NKAIN3: variants seen among roughly 807,000 people sequenced by gnomAD.
The protein encoded by NKAIN3 is sodium/potassium-transporting ATPase subunit beta-1-interacting protein 3.
In NKAIN3, 25 loss-of-function variants were observed where a neutral mutation model predicts 30.2. The observed-to-expected ratio is 0.83, with a 90% CI of 0.60 to 1.16. NKAIN3 has a LOEUF of 1.16. Among genes scored for constraint, NKAIN3 ranks in the 50% most tolerant of loss-of-function variants. The pLI is 0.00. For missense variants in NKAIN3, 225 were observed against 254.1 expected (o/e 0.89, Z 0.78); for synonymous variants, 91 against 89.6 (o/e 1.02, Z -0.09).
chr8:62,598,386 A>T (rs567955782), intron 3 of NKAIN3, among the ~76,000 whole-genome samples: 2 of 151,952 alleles, frequency 1.3e-5, no homozygotes, highest in Non-Finnish European at 2.9e-5. Flanking sequence ...CTCCATGTTG[A>T]TTATTACTCA....
intron 4 of NKAIN3, among the ~76,000 whole-genome samples, chr8:62,908,069 A>G (rs564407853): frequency 6.6e-6 from 1 of 152,318 alleles, no homozygotes; most frequent in South Asian, 2.1e-4. Flanking sequence ...ACAGCTGTGT[A>G]GCTGCTCAAG....
intron 1 of NKAIN3, among the ~76,000 whole-genome samples, chr8:62,497,024 G>T (rs1435373114): frequency 1.3e-5 from 2 of 151,964 alleles, no homozygotes; most frequent in African/African-American, 4.8e-5. Flanking sequence ...AATTAAGAAG[G>T]CACTGAAGTT....
chr8:62,328,940 A>G (rs1219638807), intron 1 of NKAIN3, among the ~76,000 whole-genome samples: 3 of 152,046 alleles, frequency 2.0e-5, no homozygotes, highest in African/African-American at 4.8e-5. Flanking sequence ...AATTGATGGT[A>G]TGTTACTTCC....
At chr8:62,380,394 C>A (rs1817237249) in intron 1 of NKAIN3, among the ~76,000 whole-genome samples, 1 of 152,150 alleles carries the variant, frequency 6.6e-6, no homozygotes, top group Admixed American at 6.6e-5. Flanking sequence ...GCTTTTTCAT[C>A]TCTTTCTCCT....
At chr8:62,564,636 G>T (rs1433256731) in intron 1 of NKAIN3, among the ~76,000 whole-genome samples, 1 of 152,080 alleles carries the variant, frequency 6.6e-6, no homozygotes, top group Non-Finnish European at 1.5e-5. Flanking sequence ...AATCAATTCA[G>T]TAGGTCTAGG....
chr8:62,697,055 A>T (rs1034213065), intron 3 of NKAIN3, among the ~76,000 whole-genome samples: 4 of 152,302 alleles, frequency 2.6e-5, no homozygotes, highest in Middle Eastern at 3.4e-3. Flanking sequence ...GAATCTTTTC[A>T]TGCTTGCCTC....
intron 1 of NKAIN3, among the ~76,000 whole-genome samples, chr8:62,445,431 T>G (rs1189174983): frequency 6.6e-6 from 1 of 152,130 alleles, no homozygotes; most frequent in Non-Finnish European, 1.5e-5. Context: ...ATTTTTCTTA[T>G]AAGGAAATTG....
rs1824141271 is a variant in NKAIN3, at chr8:62,983,772, C to G, written c.*18365C>G. On this transcript the variant is annotated 3_prime_UTR_variant, in exon 7 of 7. Transcript: ENST00000623646. ...CTGCGGTCACCCATTTTATACAAAC[C>G]AAAGCACTTCTGACAGACCTCTGAA... 1 of 152,130 alleles carries G rather than the reference C, an allele frequency of 6.6e-6. No individual in the cohort carries two copies. Among genetic ancestry groups the G allele is most frequent in the Non-Finnish European group, 1.5e-5 (1 of 68,040 alleles). The allele number at this position is 152,130 out of a possible 1,614,324, so 9.4% of individuals were successfully genotyped here. A position where few individuals can be genotyped will look rare whatever the true frequency, so the allele number is the denominator to read the frequency against.
At chr8:62,721,452 G>T (rs1163629342) in intron 3 of NKAIN3, among the ~76,000 whole-genome samples, 6 of 152,164 alleles carry the variant, frequency 3.9e-5, no homozygotes, top group Non-Finnish European at 7.3e-5. Context: ...TCAGGCAACA[G>T]CTTCCTAGGC....
intron 1 of NKAIN3, among the ~76,000 whole-genome samples, chr8:62,412,219 C>T (rs1804259826): frequency 6.6e-6 from 1 of 151,918 alleles, no homozygotes; most frequent in Non-Finnish European, 1.5e-5. Context: ...CAAAAAGAGA[C>T]ACATGGACTA....
intron 4 of NKAIN3, chr8:62,863,328 T>TG: frequency 1.9e-6 from 3 of 1,549,702 alleles, no homozygotes; most frequent in Non-Finnish European, 1.8e-6. Flanking sequence ...GAGGAATACC[T>TG]GCTTTCTGCC....
intron 3 of NKAIN3, among the ~76,000 whole-genome samples, chr8:62,712,501 G>A (rs534203586): frequency 6.6e-6 from 1 of 152,188 alleles, no homozygotes. Flanking sequence ...AGTCATGCAG[G>A]TTATCAGGGA....
In NKAIN3 at chr8:62,716,282, G is replaced by A. The variant is rs112828717; in HGVS notation, c.274-30650G>A. Among the ~76,000 whole-genome samples the A allele has an allele frequency of 8.2e-3, 1,255 of 152,176 alleles. 9 individuals are homozygous for A. The highest frequency in any genetic ancestry group is 0.028 in the African/African-American group (1,176 of 41,512). On this transcript the variant is annotated intron_variant, in intron 3 of 6. Transcript: ENST00000623646. ...TGAAAATGATAATACGTGTCATCCCGACTTTAGAGAATGGTTTTAAGAATC... is the reference window on the plus strand; with the variant it reads ...TGAAAATGATAATACGTGTCATCCCAACTTTAGAGAATGGTTTTAAGAATC...
chr8:62,990,073 A>T, intron 5 of NKAIN3: 2 of 648,260 alleles, frequency 3.1e-6, no homozygotes, highest in South Asian at 2.1e-5. Context: ...GACTTTTATT[A>T]CACTTAATTT....
intron 1 of NKAIN3, among the ~76,000 whole-genome samples, chr8:62,398,185 T>C (rs957746536): frequency 6.6e-6 from 1 of 152,100 alleles, no homozygotes; most frequent in Admixed American, 6.6e-5. Context: ...AAGCAGAGGC[T>C]GCAGGGAAGG....
At chr8:62,723,071 T>C (rs1428332937) in intron 3 of NKAIN3, among the ~76,000 whole-genome samples, 1 of 152,164 alleles carries the variant, frequency 6.6e-6, no homozygotes, top group Non-Finnish European at 1.5e-5. Context: ...AAATGTCTTA[T>C]TTTGCAGAGG....
intron 3 of NKAIN3, among the ~76,000 whole-genome samples, chr8:62,618,773 G>T (rs1261810138): frequency 6.6e-6 from 1 of 152,090 alleles, no homozygotes; most frequent in African/African-American, 2.4e-5. Flanking sequence ...GGGCATGGTG[G>T]TGGGCATCTA....
intron 4 of NKAIN3, among the ~76,000 whole-genome samples, chr8:62,811,239 G>A (rs1477217234): frequency 6.6e-6 from 1 of 151,974 alleles, no homozygotes; most frequent in Non-Finnish European, 1.5e-5. Context: ...CTTGATATGG[G>A]TGTACCATAG....
intron 3 of NKAIN3, among the ~76,000 whole-genome samples, chr8:62,604,907 A>G (rs889237880): frequency 6.6e-6 from 1 of 152,248 alleles, no homozygotes; most frequent in African/African-American, 2.4e-5. Context: ...GTTATCGTCC[A>G]TAATCTATTC....
Sources: gnomAD v4.1 joint callset for allele counts (sites outside exome capture counted in the v4.1 genomes callset) on GRCh38, gnomAD v4.1.1 for gene constraint, MANE v1.5 for transcripts, NCBI Gene and HGNC (gene_info 2026-07-23, HGNC 2026-07-21) for gene names.